Variants in GRIN2D observed in about 807,000 individuals in gnomAD.
GRIN2D encodes the protein glutamate receptor ionotropic, NMDA 2D.
GRIN2D carries 37 observed loss-of-function variants against 103.2 expected under a neutral mutation model. The observed-to-expected ratio is 0.36, with a 90% confidence interval of 0.28 to 0.47. The LOEUF (loss-of-function observed/expected upper bound fraction) is 0.47. Among genes scored for constraint, GRIN2D ranks in the 20% least tolerant of loss-of-function variants. The probability of loss-of-function intolerance (pLI) is 1.00; values close to 1 mark genes in which losing one functional copy is unlikely to be tolerated. For synonymous variants in GRIN2D, 845 were observed against 885.6 expected (o/e 0.95, Z 0.81); for missense variants, 1,557 against 1,910.6 (o/e 0.81, Z 3.45).
chr19:48,421,874 C>T lies in GRIN2D; in HGVS notation c.2181C>T (p.Pro727=), dbSNP rs773803571. 2.2e-4 allele frequency: 355 copies of T among 1,614,022 alleles called. 1 individual carries two copies. The highest frequency in any genetic ancestry group is 2.9e-4 in the Non-Finnish European group (339 of 1,180,020). Residue 727 remains proline, a synonymous_variant, in exon 11 of 14, where the codon CCC becomes CCT. Transcript: ENST00000263269. This position sits in a 1 kb window ranked among gnomAD's most constrained non-coding sequence, Gnocchi z 4.8. ...AGAAGAACATCCGCAGCAACTATCC[C>T]GACATGCACAGCTACATGGTGCGCT... The part of the protein sequence containing the change: ...STEKNIRSNY[P]DMHSYMVRYN...
At chr19:48,398,954 G>T (rs2147435039) in intron 3 of GRIN2D, 97 bp downstream of exon 3, 3 of 1,072,288 alleles carry the variant, frequency 2.8e-6, no homozygotes, top group South Asian at 2.6e-5. Flanking sequence ...GCCTAGAGGG[G>T]GCGGGGACTG....
At chr19:48,402,169 A>AAAGG (rs1461423265) in intron 3 of GRIN2D, among the ~76,000 whole-genome samples, 1 of 148,182 alleles carries the variant, frequency 6.7e-6, no homozygotes, top group Non-Finnish European at 1.5e-5. Flanking sequence ...AGAAAGAAAG[A>AAAGG]GAGAAAAGAA....
Position 48,414,621 on chromosome 19 carries a change from C to A in GRIN2D, c.1412+37C>A, listed in dbSNP as rs1387964705. ...GGATCCAGGAGTTCCGGCTCCAAAA[C>A]CCGCCTCCCGTGAAGCCCAGTAGTC... On this transcript the variant is annotated intron_variant, in intron 6 of 13. Transcript: ENST00000263269. This position sits in a 1 kb window ranked among gnomAD's most constrained non-coding sequence, Gnocchi z 4.6. The A allele has an allele frequency of 6.5e-7, 1 of 1,532,158 alleles. No homozygotes were observed. The allele number at this position is 1,532,158 out of a possible 1,614,324, so 94.9% of individuals were successfully genotyped here.
At chr19:48,411,556 G>T (rs1374227518) in intron 4 of GRIN2D, among the ~76,000 whole-genome samples, 1 of 151,924 alleles carries the variant, frequency 6.6e-6, no homozygotes, top group Admixed American at 6.6e-5. Context: ...GGCTGAGGCA[G>T]GAGAATCGCT....
chr19:48,421,933 A>C lies in GRIN2D; in HGVS notation c.2240A>C (p.Gln747Pro). The C allele has an allele frequency of 6.2e-7, 1 of 1,614,020 alleles. No homozygotes were observed. Among genetic ancestry groups the C allele is most frequent in the Non-Finnish European group, 8.5e-7 (1 of 1,179,916 alleles). Reference protein sequence around the residue: ...NQPRVEEALTQLKAGKLDAFI... With the variant: ...NQPRVEEALTPLKAGKLDAFI... ...CCCCGCGTAGAGGAAGCGCTCACTCAGCTCAAGGCAGGGTCAGCGCAGACT... is the reference window on the plus strand; with the variant it reads ...CCCCGCGTAGAGGAAGCGCTCACTCCGCTCAAGGCAGGGTCAGCGCAGACT... The change falls in exon 11 of 14, where the codon CAG becomes CCG. Residue 747 changes from glutamine (Q) to proline (P), a missense_variant. This residue lies in a region of GRIN2D where 138 missense variants were observed against 270.2 expected (regional missense o/e 0.51). Transcript: ENST00000263269. The surrounding 1 kb of genome is among the most constrained non-coding windows in gnomAD (Gnocchi z 4.8).
Position 48,442,479 on chromosome 19 carries a change from A to G in GRIN2D, c.2673+97A>G. The G allele has an allele frequency of 2.0e-6, 3 of 1,527,010 alleles. No homozygotes were observed. In the South Asian group the frequency reaches 3.6e-5, roughly 18 times the overall value. 94.6% of individuals were successfully genotyped at this position (1,527,010 alleles called of 1,614,324 possible). On this transcript the variant is annotated intron_variant, in intron 13 of 13. Transcript: ENST00000263269. This position sits in a 1 kb window ranked among gnomAD's most constrained non-coding sequence, Gnocchi z 7.2. Reference sequence around the variant, plus strand: ...CAAGGAGATGTGGGTCGAGATGTGGATAGTGGGGAAGAGAGCGGGAAACAC... The same window carrying G: ...CAAGGAGATGTGGGTCGAGATGTGGGTAGTGGGGAAGAGAGCGGGAAACAC...
In GRIN2D at chr19:48,404,887, C is replaced by G; in HGVS notation, c.619C>G (p.Leu207Val). 6.2e-7 allele frequency: 1 copy of G among 1,614,172 alleles called. No individual in the cohort carries two copies. Among genetic ancestry groups the G allele is most frequent in the Non-Finnish European group, 8.5e-7 (1 of 1,180,032 alleles). ...HRAFLSYIEV[L>V]TDGSLVGWEH... ...GGCCTTCCTGTCCTACATTGAGGTG[C>G]TGACTGACGGTAGTCTGGTGGGCTG... Residue 207 changes from leucine (L) to valine (V), a missense_variant, in exon 4 of 14, where the codon CTG becomes GTG. By Grantham distance (32) the Leu-to-Val change is conservative (BLOSUM62 1). Coordinates refer to ENST00000263269, the MANE Select transcript of GRIN2D (RefSeq NM_000836.4).
Position 48,421,685 on chromosome 19 carries a change from C to A in GRIN2D, c.2092-100C>A. On this transcript the variant is annotated intron_variant, in intron 10 of 13. Coordinates refer to ENST00000263269, the MANE Select transcript of GRIN2D (RefSeq NM_000836.4). The surrounding 1 kb of genome is among the most constrained non-coding windows in gnomAD (Gnocchi z 4.8). ...TGAGAAATATTGAACACTCCTGGGA[C>A]TGGGGTGTCTGCCAGATAGCGGGTG... is the stretch of plus-strand genomic sequence containing the variant. The A allele has an allele frequency of 1.1e-6, 1 of 932,962 alleles. No individual in the cohort carries two copies. Among genetic ancestry groups the A allele is most frequent in the Non-Finnish European group, 1.7e-6 (1 of 588,548 alleles). The allele number at this position is 932,962 out of a possible 1,614,324, so 57.8% of individuals were successfully genotyped here. A position where few individuals can be genotyped will look rare whatever the true frequency, so the allele number is the denominator to read the frequency against.
At chr19:48,415,088 C>A in intron 7 of GRIN2D, 56 bp downstream of exon 7, 1 of 1,477,596 alleles carries the variant, frequency 6.8e-7, no homozygotes, top group Non-Finnish European at 9.2e-7. Flanking sequence ...GAGGCGGGCA[C>A]AGCCGGGCGT....
intron 3 of GRIN2D, among the ~76,000 whole-genome samples, chr19:48,401,667 G>C (rs1225643611): frequency 6.6e-6 from 1 of 152,228 alleles, no homozygotes; most frequent in African/African-American, 2.4e-5. Context: ...GGGCCTTGGG[G>C]CCACGGTGAG....
rs926369259 is a variant in GRIN2D, at chr19:48,442,883, G to A, written c.2957G>A (p.Gly986Asp). 2.2e-4 allele frequency: 240 copies of A among 1,092,638 alleles called. No homozygotes were observed. Among genetic ancestry groups the A allele is most frequent in the Non-Finnish European group, 2.6e-4 (233 of 902,738 alleles). 67.7% of individuals were successfully genotyped at this position (1,092,638 alleles called of 1,614,324 possible). ...GGCGAAGCGCGCGCGGCACCGCGGG[G>A]CGCAGCCGGGCGCCCGCTGTCCCCG... is the stretch of plus-strand genomic sequence containing the variant. The part of the protein sequence containing the change: ...GLGEARAAPR[G>D]AAGRPLSPPA... The change falls in exon 14 of 14, where the codon GGC becomes GAC. Residue 986 changes from glycine to aspartate, a missense_variant. Transcript: ENST00000263269. The surrounding 1 kb of genome is among the most constrained non-coding windows in gnomAD (Gnocchi z 7.2).
intron 11 of GRIN2D, among the ~76,000 whole-genome samples, chr19:48,434,472 C>CTTGAACT (rs1425569381): frequency 6.6e-6 from 1 of 152,162 alleles, no homozygotes; most frequent in African/African-American, 2.4e-5. Context: ...CCAGGCTGGT[C>CTTGAACT]TTGAACTTCT....
rs749130026 is a variant in GRIN2D, at chr19:48,421,897, G to A, written c.2204G>A (p.Arg735His). Reference sequence around the variant, plus strand: ...CCCGACATGCACAGCTACATGGTGCGCTACAACCAGCCCCGCGTAGAGGAA... The same window carrying A: ...CCCGACATGCACAGCTACATGGTGCACTACAACCAGCCCCGCGTAGAGGAA... ...NYPDMHSYMV[R>H]YNQPRVEEAL... Residue 735 changes from arginine (R) to histidine (H), a missense_variant, in exon 11 of 14, where the codon CGC (arginine) becomes CAC (histidine). This residue lies in a region of GRIN2D where 138 missense variants were observed against 270.2 expected (regional missense o/e 0.51). Transcript: ENST00000263269. This position sits in a 1 kb window ranked among gnomAD's most constrained non-coding sequence, Gnocchi z 4.8. 1.4e-5 allele frequency: 22 copies of A among 1,613,990 alleles called. No homozygotes were observed.
Position 48,443,770 on chromosome 19 carries a change from GC to G in GRIN2D, c.3848del (p.Pro1283LeufsTer235), listed in dbSNP as rs1337470883. The G allele has an allele frequency of 7.0e-7, 1 of 1,433,982 alleles. No individual in the cohort carries two copies. The highest frequency in any genetic ancestry group is 9.1e-7 in the Non-Finnish European group (1 of 1,100,456). The allele number at this position is 1,433,982 out of a possible 1,614,324, so 88.8% of individuals were successfully genotyped here. On this transcript the variant is annotated frameshift_variant, in exon 14 of 14. Transcript: ENST00000263269. LOFTEE classifies it high-confidence loss of function. The surrounding 1 kb of genome is among the most constrained non-coding windows in gnomAD (Gnocchi z 8.9). ...GGACCTCAGCTCGTGCCCTCGCGCCGCCCCTGCGCGCAGGCTTACCGGGCCC... is the reference window on the plus strand; with the variant it reads ...GGACCTCAGCTCGTGCCCTCGCGCCGCCCTGCGCGCAGGCTTACCGGGCCC... ...LEDLSSCPRA[A>X]PARRLTGPSR...
intron 11 of GRIN2D, among the ~76,000 whole-genome samples, chr19:48,432,897 TCTC>T (rs1971175860): frequency 7.1e-6 from 1 of 141,716 alleles, no homozygotes; most frequent in Non-Finnish European, 1.6e-5. Context: ...TTCAAGTGAT[TCTC>T]CTGCCTCAGC....
chr19:48,434,402 C>T (rs770354063), intron 11 of GRIN2D, among the ~76,000 whole-genome samples: 2 of 152,086 alleles, frequency 1.3e-5, no homozygotes, highest in African/African-American at 2.4e-5. Flanking sequence ...TACAGGCACA[C>T]GCAACCACAC....
At chr19:48,410,039 C>A (rs1161539152) in intron 4 of GRIN2D, among the ~76,000 whole-genome samples, 8 of 151,570 alleles carry the variant, frequency 5.3e-5, no homozygotes, top group Admixed American at 4.0e-4. Context: ...CCCCCCTCAG[C>A]CTCCCAAAGT....
chr19:48,428,685 C>G (rs1971119120), intron 11 of GRIN2D, among the ~76,000 whole-genome samples: 2 of 152,030 alleles, frequency 1.3e-5, no homozygotes, highest in Admixed American at 1.3e-4. Flanking sequence ...TTTATAAGGA[C>G]ACTAGTCATA....
chr19:48,440,922 C>T (rs915033182), intron 11 of GRIN2D, among the ~76,000 whole-genome samples: 1 of 152,172 alleles, frequency 6.6e-6, no homozygotes, highest in Non-Finnish European at 1.5e-5. Context: ...CCTGAGCTGA[C>T]AGGTGATCCA....
Sources: allele counts gnomAD v4.1 joint callset (sites outside exome capture counted in the v4.1 genomes callset), GRCh38; gene constraint gnomAD v4.1.1; regional missense constraint gnomAD v4.1.1; non-coding constraint Gnocchi (gnomAD v3.1); transcripts MANE v1.5; gene names NCBI Gene and HGNC (gene_info 2026-07-23, HGNC 2026-07-21).